Variants in ASTE1 observed in about 807,000 individuals in gnomAD.
ASTE1 encodes the protein asteroid structure-specific endonuclease 1, also known as single-strand DNA endonuclease ASTE1.
In ASTE1, 49 loss-of-function variants were observed where a neutral mutation model predicts 45.8. That is an observed-to-expected ratio of 1.07 (90% CI 0.85 to 1.36). The LOEUF (loss-of-function observed/expected upper bound fraction) is 1.36, where lower values mean the gene tolerates loss of function less well. Ranked by LOEUF, ASTE1 falls within the 40% of genes most tolerant of loss-of-function variation. The pLI, the probability that ASTE1 is intolerant of heterozygous loss-of-function variation, is 0.00. For missense variants in ASTE1, 709 were observed against 804.0 expected, an observed-to-expected ratio of 0.88 and a Z score of 1.43; for synonymous variants, 296 against 303.9, an observed-to-expected ratio of 0.97 and a Z score of 0.27.
chr3:131,019,857 ACTG>A (rs1344095383), intron 3 of ASTE1, among the ~76,000 whole-genome samples: 1 of 152,228 alleles, frequency 6.6e-6, no homozygotes, highest in Non-Finnish European at 1.5e-5. Flanking sequence ...ATTTCTAAAT[ACTG>A]CTTTTAATAA....
intron 3 of ASTE1, among the ~76,000 whole-genome samples, chr3:131,021,214 G>A (rs1002900448): frequency 6.6e-6 from 1 of 152,100 alleles, no homozygotes; most frequent in Admixed American, 6.5e-5. Flanking sequence ...ACCCGTATAT[G>A]ATAAAAATGA....
intron 5 of ASTE1, 109 bp from the exon 6 acceptor site, chr3:131,014,496 T>TTGTTTAGA: frequency 9.8e-7 from 1 of 1,018,222 alleles, no homozygotes; most frequent in Non-Finnish European, 1.4e-6. Context: ...AGAGCTCTTA[T>TTGTTTAGA]TGCTCTATAA....
At chr3:131,019,658 C>G (rs990124123) in intron 3 of ASTE1, among the ~76,000 whole-genome samples, 14 of 152,152 alleles carry the variant, frequency 9.2e-5, no homozygotes, top group African/African-American at 3.1e-4. Flanking sequence ...AGTGTCTGCA[C>G]ACAGCCAGAA....
rs757596854 is a variant in ASTE1 at position 131,014,132 on chromosome 3, A to T, written c.1965T>A (p.Tyr655Ter). 2.5e-6 allele frequency: 4 copies of T among 1,612,652 alleles called. No homozygotes were observed. Among genetic ancestry groups the T allele is most frequent in the Non-Finnish European group, 1.7e-6 (2 of 1,179,778 alleles). ...ACAACCCAAACCGGTTGTTTCCCTC[A>T]TACCAACACTTGGTGTGTGCAGTGG... is the stretch of plus-strand genomic sequence containing the variant. ...GRTTAHTKCWYEGNNRFGLLM... is the reference protein window; with the variant it reads ...GRTTAHTKCW Residue 655 changes from tyrosine to a stop codon, truncating the protein, a stop_gained, in exon 6 of 6, where the codon TAT becomes TAA. Transcript: ENST00000264992. LOFTEE classifies it low-confidence loss of function (END_TRUNC).
rs1485256645 is a variant in ASTE1 at position 131,018,689 on chromosome 3, G to C, written c.1330C>G (p.Leu444Val). ...TGTTTCACCTTCAGGGTTTCTAACA[G>C]AAGCATCTGCCGCCTCCTCAAGGAG... Reference protein sequence around the residue: ...ELSLRRRQMLLLETLKVKQTI... With the variant: ...ELSLRRRQMLVLETLKVKQTI... Residue 444 changes from leucine (L) to valine (V), a missense_variant, in exon 4 of 6, where the codon CTG becomes GTG. By Grantham distance (32) the Leu-to-Val change is conservative (BLOSUM62 1). Coordinates refer to ENST00000264992, the MANE Select transcript of ASTE1 (RefSeq NM_014065.4). The C allele has an allele frequency of 6.2e-7, 1 of 1,614,106 alleles. No individual in the cohort carries two copies. Among genetic ancestry groups the C allele is most frequent in the Admixed American group, 1.7e-5 (1 of 60,020 alleles).
chr3:131,016,007 A>G (rs1161394595), intron 5 of ASTE1, 137 bp downstream of exon 5: 1 of 1,120,260 alleles, frequency 8.9e-7, no homozygotes, highest in South Asian at 1.4e-5. Flanking sequence ...AGTGACTCAA[A>G]ATCAATTACA....
intron 3 of ASTE1, among the ~76,000 whole-genome samples, chr3:131,021,788 A>C (rs2063745603): frequency 6.6e-6 from 1 of 152,204 alleles, no homozygotes; most frequent in South Asian, 2.1e-4. Flanking sequence ...AAAACTCATC[A>C]AAGTACACAC....
intron 3 of ASTE1, among the ~76,000 whole-genome samples, chr3:131,021,519 T>A (rs2063742420): frequency 6.6e-6 from 1 of 152,136 alleles, no homozygotes; most frequent in South Asian, 2.1e-4. Context: ...AGGAGAGTGA[T>A]TATAGAGAGT....
chr3:131,017,503 A>G (rs544853446), intron 4 of ASTE1, among the ~76,000 whole-genome samples: 91 of 152,314 alleles, frequency 6.0e-4, no homozygotes, highest in African/African-American at 1.9e-3. Context: ...TGTGGCTAGT[A>G]GCCACCATAT....
intron 4 of ASTE1, among the ~76,000 whole-genome samples, chr3:131,017,679 G>C (rs771778336): frequency 1.1e-4 from 17 of 152,196 alleles, no homozygotes; most frequent in Admixed American, 2.0e-4. Flanking sequence ...GTGTATTTAA[G>C]AGATATTACT....
chr3:131,020,320 C>A (rs765886692), intron 3 of ASTE1, among the ~76,000 whole-genome samples: 1 of 152,202 alleles, frequency 6.6e-6, no homozygotes, highest in Non-Finnish European at 1.5e-5. Flanking sequence ...GGTTTTATCC[C>A]ATGTGACAAC....
chr3:131,023,905 C>T, intron 3 of ASTE1, 100 bp downstream of exon 3: 1 of 1,234,860 alleles, frequency 8.1e-7, no homozygotes, highest in Non-Finnish European at 1.1e-6. Context: ...TAGCACTCAA[C>T]CTCATCAGTT....
At position 131,024,434 on chromosome 3, in the gene ASTE1, A is replaced by G. The variant is rs575766602; in HGVS notation, c.873T>C (p.Leu291=). 2 of 1,614,192 alleles carry G rather than the reference A, an allele frequency of 1.2e-6. No individual in the cohort carries two copies. Among genetic ancestry groups the G allele is most frequent in the African/African-American group, 2.7e-5 (2 of 75,044 alleles). ...GGTATTCTTCCATGGAACAGCAGAGAAGTTCCTTAACATTTTCTCGATCCT... is the reference window on the plus strand; with the variant it reads ...GGTATTCTTCCATGGAACAGCAGAGGAGTTCCTTAACATTTTCTCGATCCT... ...PKKDRENVKE[L]LCCSMEEYQQ... The change falls in exon 3 of 6, where the codon CTT becomes CTC. Residue 291 remains leucine (L), a synonymous_variant. Coordinates refer to ENST00000264992, the MANE Select transcript of ASTE1 (RefSeq NM_014065.4).
intron 1 of ASTE1, among the ~76,000 whole-genome samples, chr3:131,025,999 G>A (rs1042354477): frequency 6.6e-6 from 1 of 152,092 alleles, no homozygotes; most frequent in African/African-American, 2.4e-5. Context: ...TGCATATCTG[G>A]CCCAGCTACG....
At chr3:131,019,358 G>C (rs1038722738) in intron 3 of ASTE1, among the ~76,000 whole-genome samples, 2 of 152,160 alleles carry the variant, frequency 1.3e-5, no homozygotes, top group Non-Finnish European at 2.9e-5. Context: ...GTAGATTAGA[G>C]GTATATTCAA....
intron 5 of ASTE1, chr3:131,015,901 AC>A: frequency 1.6e-6 from 1 of 611,264 alleles, no homozygotes; most frequent in South Asian, 1.7e-5. Flanking sequence ...ACTTAAAGGA[AC>A]TGATTTTTTA....
In ASTE1 at chr3:131,024,497, G is replaced by T. The variant is rs751284285; in HGVS notation, c.810C>A (p.Thr270=). The T allele has an allele frequency of 1.9e-6, 3 of 1,613,912 alleles. No homozygotes were observed. In the East Asian group the frequency reaches 6.7e-5, roughly 36 times the overall value. Residue 270 remains threonine, a synonymous_variant, in exon 3 of 6, where the codon ACC becomes ACA. Coordinates refer to ENST00000264992, the MANE Select transcript of ASTE1 (RefSeq NM_014065.4). ...LNWLSHFANP[T]EALDNVLKYL... is the part of the protein sequence containing the mutation. ...ATTTCAGAACATTATCTAGTGCTTC[G>T]GTAGGGTTGGCAAAATGAGACAACC...
At position 131,024,032 on chromosome 3, in the gene ASTE1, A is replaced by T. The variant is rs764491551; in HGVS notation, c.1275T>A (p.Asp425Glu). Residue 425 changes from aspartate to glutamate, a missense_variant, in exon 3 of 6, where the codon GAT becomes GAA. By Grantham distance (45) the Asp-to-Glu change is conservative. Coordinates refer to ENST00000264992, the MANE Select transcript of ASTE1 (RefSeq NM_014065.4). ...CAGTCAATCTGCTTAAGTCAGAATGATCCTTGGCCAGTTCTACTGCATCAA... is the reference window on the plus strand; with the variant it reads ...CAGTCAATCTGCTTAAGTCAGAATGTTCCTTGGCCAGTTCTACTGCATCAA... Reference protein sequence around the residue: ...SIIDAVELAKDHSDLSRLTEL... With the variant: ...SIIDAVELAKEHSDLSRLTEL... The T allele has an allele frequency of 1.9e-6, 3 of 1,606,318 alleles. No homozygotes were observed. Among genetic ancestry groups the T allele is most frequent in the Non-Finnish European group, 2.6e-6 (3 of 1,174,684 alleles).
chr3:131,019,219 C>T (rs2063709633), intron 3 of ASTE1, among the ~76,000 whole-genome samples: 1 of 152,214 alleles, frequency 6.6e-6, no homozygotes, highest in Non-Finnish European at 1.5e-5. Flanking sequence ...AGAAGACAAA[C>T]GTTGCTTTTA....
Sources: allele counts gnomAD v4.1 joint callset (sites outside exome capture counted in the v4.1 genomes callset), GRCh38; gene constraint gnomAD v4.1.1; transcripts MANE v1.5; gene names NCBI Gene and HGNC (gene_info 2026-07-23, HGNC 2026-07-21).